Variants in AOPEP observed in about 807,000 individuals in gnomAD.
AOPEP encodes aminopeptidase O (putative), also known as aminopeptidase O.
In AOPEP, 77 loss-of-function variants were observed where a neutral mutation model predicts 98.1. The ratio of observed to expected loss-of-function variants is 0.78; its 90% confidence interval spans 0.65 to 0.95. The LOEUF (loss-of-function observed/expected upper bound fraction) is 0.95, where lower values mean the gene tolerates loss of function less well. AOPEP is among the 40% of genes least tolerant of loss of function. AOPEP has a pLI of 0.00. For synonymous variants in AOPEP, 346 were observed against 365.3 expected, an observed-to-expected ratio of 0.95 and a Z score of 0.60; for missense variants, 1,024 against 1,024.7, an observed-to-expected ratio of 1.00 and a Z score of 0.01.
At chr9:95,088,479 G>A (rs2070818439), downstream of AOPEP, among the ~76,000 whole-genome samples, 1 of 151,698 alleles carries the variant, frequency 6.6e-6, no homozygotes, top group South Asian at 2.1e-4. Context: ...AAAGTGCCGG[G>A]ATTATAGGCG....
chr9:94,834,793 A>AATGC (rs35018311), intron 5 of AOPEP, among the ~76,000 whole-genome samples: 7 of 149,928 alleles, frequency 4.7e-5, no homozygotes, highest in Non-Finnish European at 7.4e-5. Flanking sequence ...ACTGTCTCTA[A>AATGC]ATGCATGCAT....
chr9:94,876,741 CT>C (rs59728696), intron 5 of AOPEP, among the ~76,000 whole-genome samples: 3,256 of 152,174 alleles, frequency 0.021, 83 homozygotes, highest in African/African-American at 0.057. Flanking sequence ...TAAATTAAGC[CT>C]TCTGTAGTAA....
chr9:95,123,208 T>G, the AOPEP span: 1 of 201,210 alleles, frequency 5.0e-6, no homozygotes, highest in Non-Finnish European at 1.0e-5. Context: ...GAGGCTGAGG[T>G]GGGGGGATCG....
chr9:94,819,887 A>G (rs906004088), intron 5 of AOPEP, among the ~76,000 whole-genome samples: 1 of 150,300 alleles, frequency 6.7e-6, no homozygotes, highest in Non-Finnish European at 1.5e-5. Context: ...AGGGATTTTA[A>G]TTTTGCAAAA....
chr9:94,947,348 A>G (rs1217618815), intron 7 of AOPEP, among the ~76,000 whole-genome samples: 1 of 151,788 alleles, frequency 6.6e-6, no homozygotes, highest in African/African-American at 2.4e-5. Context: ...GCGCAATCAA[A>G]GTTCACTGCA....
At chr9:94,775,936 G>A (rs1018566338) in intron 3 of AOPEP, among the ~76,000 whole-genome samples, 7 of 151,904 alleles carry the variant, frequency 4.6e-5, no homozygotes, top group Non-Finnish European at 7.4e-5. Flanking sequence ...CCGAGATCAC[G>A]CCACTGCACT....
chr9:95,062,415 C>T (rs1045556407), intron 14 of AOPEP, among the ~76,000 whole-genome samples: 1 of 152,196 alleles, frequency 6.6e-6, no homozygotes, highest in Non-Finnish European at 1.5e-5. Context: ...AGCTTGCTGC[C>T]TCCAGCTGTT....
intron 13 of AOPEP, among the ~76,000 whole-genome samples, chr9:95,006,481 C>T (rs2062030687): frequency 6.6e-6 from 1 of 152,114 alleles, no homozygotes; most frequent in African/African-American, 2.4e-5. Flanking sequence ...TTAGTATGGG[C>T]ATTGCAGCGT....
chr9:94,729,267 T>C, intron 1 of AOPEP, among the ~76,000 whole-genome samples: 1 of 152,126 alleles, frequency 6.6e-6, no homozygotes, highest in East Asian at 1.9e-4. Flanking sequence ...AAATGAACTA[T>C]GTTATTCTAA....
chr9:94,791,941 A>G (rs1845820896), intron 3 of AOPEP, among the ~76,000 whole-genome samples: 1 of 152,250 alleles, frequency 6.6e-6, no homozygotes, highest in Admixed American at 6.5e-5. Context: ...AGATTTCAGA[A>G]ACATGAAAAT....
chr9:94,958,148 T>C (rs1048102412), intron 9 of AOPEP, among the ~76,000 whole-genome samples: 4 of 152,222 alleles, frequency 2.6e-5, no homozygotes, highest in African/African-American at 4.8e-5. Context: ...ACAGTATTTG[T>C]CCTTTTGTAT....
In AOPEP at chr9:95,059,368, C is replaced by T. The variant is rs1016068863; in HGVS notation, c.2116-1326C>T. ...TGGTGTCTTGTCTCCTTTCTTTCTG[C>T]CTCTGTCTGTAGGCAAGTGGGGGCT... On this transcript the variant is annotated intron_variant, in intron 13 of 16. Transcript: ENST00000375315. Among the ~76,000 whole-genome samples, 6 of 152,140 alleles carry T rather than the reference C, an allele frequency of 3.9e-5. 1 individual carries two copies. Among genetic ancestry groups the T allele is most frequent in the Non-Finnish European group, 8.8e-5 (6 of 68,028 alleles).
At chr9:95,122,389 G>A in the AOPEP span, among the ~76,000 whole-genome samples, 1 of 152,200 alleles carries the variant, frequency 6.6e-6, no homozygotes, top group Admixed American at 6.5e-5. Flanking sequence ...AAAAGATGTA[G>A]ATGGCCATCA....
intron 5 of AOPEP, among the ~76,000 whole-genome samples, chr9:94,902,439 C>A (rs990165099): frequency 1.3e-5 from 2 of 152,134 alleles, no homozygotes; most frequent in African/African-American, 4.8e-5. Context: ...CACACCCCCT[C>A]TGAGGACTAG....
At chr9:95,086,637 C>G in intron 16 of AOPEP, 45 bp from the exon 17 acceptor site, 3 of 987,382 alleles carry the variant, frequency 3.0e-6, no homozygotes, top group Non-Finnish European at 3.6e-6. Flanking sequence ...ACAAGAATTC[C>G]TCCCGGTGAC....
intron 14 of AOPEP, among the ~76,000 whole-genome samples, chr9:95,061,349 T>TA (rs1237588164): frequency 1.3e-5 from 2 of 152,162 alleles, no homozygotes; most frequent in Non-Finnish European, 2.9e-5. Context: ...TCCAGGGTTT[T>TA]AAAAAAATAC....
chr9:95,077,113 C>G (rs553467929), intron 14 of AOPEP, among the ~76,000 whole-genome samples: 1 of 152,312 alleles, frequency 6.6e-6, no homozygotes, highest in African/African-American at 2.4e-5. Context: ...CAGCTGCTCC[C>G]CTGCAGACGG....
intron 5 of AOPEP, among the ~76,000 whole-genome samples, chr9:94,819,109 C>T (rs1251708747): frequency 1.3e-5 from 2 of 152,254 alleles, no homozygotes; most frequent in Non-Finnish European, 2.9e-5. Context: ...TGCCTGGCTT[C>T]CAGCCCTCCT....
the AOPEP span, among the ~76,000 whole-genome samples, chr9:95,093,022 G>A: frequency 5.9e-5 from 9 of 152,314 alleles, no homozygotes; most frequent in Middle Eastern, 0.014. Flanking sequence ...AGATGAGGCC[G>A]GAGTCCGTTT....
Sources: allele counts gnomAD v4.1 joint callset (sites outside exome capture counted in the v4.1 genomes callset), GRCh38; gene constraint gnomAD v4.1.1; transcripts MANE v1.5; gene names NCBI Gene and HGNC (gene_info 2026-07-23, HGNC 2026-07-21).